The following PPP1R12B variants were observed in gnomAD, a reference collection of about 807,000 sequenced individuals.
PPP1R12B encodes the protein protein phosphatase 1 regulatory subunit 12B, also known as myosin phosphatase target subunit 2.
In PPP1R12B, 76 loss-of-function variants were observed where a neutral mutation model predicts 126.1. The observed-to-expected ratio is 0.60, with a 90% CI of 0.50 to 0.73. PPP1R12B has a LOEUF of 0.73. Ranked by LOEUF, PPP1R12B falls within the 30% of genes least tolerant of loss-of-function variation. The pLI is 0.00. For synonymous variants in PPP1R12B, 356 were observed against 434.7 expected (o/e 0.82, Z 2.25); for missense variants, 1,052 against 1,205.1 (o/e 0.87, Z 1.88).
intron 1 of PPP1R12B, among the ~76,000 whole-genome samples, chr1:202,397,813 G>T (rs1018533760): frequency 2.0e-5 from 3 of 152,330 alleles, no homozygotes; most frequent in Admixed American, 6.5e-5. Flanking sequence ...TAAATACTAT[G>T]CATGTAGCTA....
intron 23 of PPP1R12B, among the ~76,000 whole-genome samples, chr1:202,579,434 C>T (rs575685309): frequency 1.4e-4 from 22 of 152,308 alleles, no homozygotes; most frequent in African/African-American, 5.3e-4. Flanking sequence ...CTGTAGCCTG[C>T]ATAGTGGCGA....
intron 21 of PPP1R12B, among the ~76,000 whole-genome samples, chr1:202,564,983 G>A (rs1687926246): frequency 6.6e-6 from 1 of 152,164 alleles, no homozygotes; most frequent in Non-Finnish European, 1.5e-5. Context: ...GAAGTAAGTG[G>A]TTTGCTTAGG....
chr1:202,434,710 T>C lies in PPP1R12B; in HGVS notation c.1196T>C (p.Ile399Thr), dbSNP rs1223197218. The change falls in exon 9 of 24, where the codon ATC becomes ACC. Residue 399 changes from isoleucine (I) to threonine (T), a missense_variant. Ile to Thr is a moderately conservative substitution (Grantham distance 89). Coordinates refer to ENST00000608999, the MANE Select transcript of PPP1R12B (RefSeq NM_002481.4). ...NHSNSESKSS[I>T]TEQIPAPAQN... ...TCCAACTCTGAAAGCAAGAGTAGTA[T>C]CACAGAGCAGATACCAGCACCAGCT... The C allele has an allele frequency of 5.6e-6, 9 of 1,613,920 alleles. No homozygotes were observed. The highest frequency in any genetic ancestry group is 7.6e-6 in the Non-Finnish European group (9 of 1,179,954).
chr1:202,389,147 A>G (rs1458914390), intron 1 of PPP1R12B, among the ~76,000 whole-genome samples: 1 of 152,192 alleles, frequency 6.6e-6, no homozygotes, highest in Non-Finnish European at 1.5e-5. Context: ...AATTTTTAGA[A>G]GGAAATATAG....
intron 1 of PPP1R12B, among the ~76,000 whole-genome samples, chr1:202,400,512 A>T (rs1665661816): frequency 6.6e-6 from 1 of 152,210 alleles, no homozygotes; most frequent in African/African-American, 2.4e-5. Context: ...TGTTTAAACT[A>T]AGTCTTTCAG....
chr1:202,533,937 A>G (rs1191310842), intron 18 of PPP1R12B, among the ~76,000 whole-genome samples: 1 of 152,162 alleles, frequency 6.6e-6, no homozygotes, highest in Non-Finnish European at 1.5e-5. Flanking sequence ...TTTACCCACT[A>G]CTTTGAACAT....
chr1:202,544,937 C>G (rs933380785), intron 18 of PPP1R12B, among the ~76,000 whole-genome samples: 16 of 152,262 alleles, frequency 1.1e-4, no homozygotes, highest in African/African-American at 3.9e-4. Flanking sequence ...CATTCTGCCT[C>G]TTTGCCTTCC....
intron 1 of PPP1R12B, among the ~76,000 whole-genome samples, chr1:202,415,778 T>C (rs1667981604): frequency 6.6e-6 from 1 of 152,216 alleles, no homozygotes; most frequent in South Asian, 2.1e-4. Flanking sequence ...TACTTTGCCA[T>C]AGTGTTTGAA....
chr1:202,445,329 A>G (rs765395678), intron 12 of PPP1R12B: 2 of 991,468 alleles, frequency 2.0e-6, no homozygotes, highest in Non-Finnish European at 2.6e-6. Flanking sequence ...CTATAAAAAC[A>G]AGTTAGAACT....
Position 202,549,601 on chromosome 1 carries a change from G to A in PPP1R12B, c.2491-9276G>A, listed in dbSNP as rs375506888. Among the ~76,000 whole-genome samples, 6 of 152,014 alleles carry A rather than the reference G, an allele frequency of 3.9e-5. No individual in the cohort carries two copies. The East Asian group carries it at 9.7e-4, about 25-fold the overall frequency. On this transcript the variant is annotated intron_variant, in intron 18 of 23. Coordinates refer to ENST00000608999, the MANE Select transcript of PPP1R12B (RefSeq NM_002481.4). ...CACCTGGCTAATTTTTGTATTTTTA[G>A]TAGAGACGGGGTTTCACCGTGTTAG...
intron 13 of PPP1R12B, among the ~76,000 whole-genome samples, chr1:202,458,230 A>G (rs1453222128): frequency 1.6e-5 from 2 of 122,546 alleles, no homozygotes; most frequent in Non-Finnish European, 3.6e-5. Flanking sequence ...TGTCTGTACT[A>G]TGCTAAGAAA....
At chr1:202,396,338 A>AATG (rs1285153015) in intron 1 of PPP1R12B, among the ~76,000 whole-genome samples, 4 of 152,264 alleles carry the variant, frequency 2.6e-5, no homozygotes, top group East Asian at 3.9e-4. Flanking sequence ...ATCTTCTAAA[A>AATG]ATGATGATGA....
intron 18 of PPP1R12B, among the ~76,000 whole-genome samples, chr1:202,543,807 C>G (rs1270932448): frequency 6.6e-6 from 1 of 152,172 alleles, no homozygotes; most frequent in Non-Finnish European, 1.5e-5. Flanking sequence ...TTTTGGCATG[C>G]CCTCACTCGC....
intron 3 of PPP1R12B, 58 bp downstream of exon 3, chr1:202,422,796 A>C: frequency 6.2e-7 from 1 of 1,608,776 alleles, no homozygotes; most frequent in East Asian, 2.2e-5. Flanking sequence ...CATTTACAGA[A>C]AATAATCCAT....
intron 12 of PPP1R12B, among the ~76,000 whole-genome samples, chr1:202,446,754 G>A (rs1422463646): frequency 1.3e-5 from 2 of 151,602 alleles, no homozygotes; most frequent in East Asian, 3.9e-4. Flanking sequence ...AATCTAAATA[G>A]TAGTGGCTTA....
chr1:202,384,626 T>C (rs184097256), intron 1 of PPP1R12B, among the ~76,000 whole-genome samples: 1 of 152,286 alleles, frequency 6.6e-6, no homozygotes, highest in Admixed American at 6.5e-5. Flanking sequence ...TGAAATTGCA[T>C]AGGATGATGG....
In PPP1R12B at chr1:202,575,259, G is replaced by C. The variant is rs530515688; in HGVS notation, c.2863-5215G>C. ...TCCGAGCCTCCATATGCAGGTTCCTGCAAAGCTTGGTTATCTGCAGATGGA... is the reference window on the plus strand; with the variant it reads ...TCCGAGCCTCCATATGCAGGTTCCTCCAAAGCTTGGTTATCTGCAGATGGA... On this transcript the variant is annotated intron_variant, in intron 23 of 23. Transcript: ENST00000608999. The C allele has an allele frequency of 4.1e-4, 554 of 1,358,910 alleles. 1 individual carries two copies. The African/African-American group carries it at 7.6e-3, about 19-fold the overall frequency. The allele number at this position is 1,358,910 out of a possible 1,614,324, so 84.2% of individuals were successfully genotyped here.
rs370092418 is a variant in PPP1R12B at position 202,362,583 on chromosome 1, A to T, written c.291+13441A>T. Among the ~76,000 whole-genome samples, 14 of 151,224 alleles carry T rather than the reference A, an allele frequency of 9.3e-5. No homozygotes were observed. In the East Asian group the frequency reaches 2.8e-3, roughly 30 times the overall value. ...TCATTGGCACCAGTTTTCAGTTGAG[A>T]GTGGAGACTGCCTTGCTTCAGCTCT... On this transcript the variant is annotated intron_variant, in intron 1 of 23. Transcript: ENST00000608999.
rs1311411806 is a variant in PPP1R12B, at chr1:202,419,223, A to G, written c.422+2306A>G. Among the ~76,000 whole-genome samples the G allele has an allele frequency of 6.6e-6, 1 of 152,180 alleles. No homozygotes were observed. The highest frequency in any genetic ancestry group is 1.5e-5 in the Non-Finnish European group (1 of 68,020). ...AAGCAGCAGATTGACCCAAACATAC[A>G]TCATTTGGCTTTATAGTTTATTGAG... is the stretch of plus-strand genomic sequence containing the variant. On this transcript the variant is annotated intron_variant, in intron 2 of 23. Coordinates refer to ENST00000608999, the MANE Select transcript of PPP1R12B (RefSeq NM_002481.4). The surrounding 1 kb of genome is among the most constrained non-coding windows in gnomAD (Gnocchi z 4.6).
Sources: allele counts gnomAD v4.1 joint callset (sites outside exome capture counted in the v4.1 genomes callset), GRCh38; gene constraint gnomAD v4.1.1; non-coding constraint Gnocchi (gnomAD v3.1); transcripts MANE v1.5; gene names NCBI Gene and HGNC (gene_info 2026-07-23, HGNC 2026-07-21).